The following FTCDNL1 variants were observed in gnomAD, a reference collection of about 807,000 sequenced individuals.
FTCDNL1 encodes formiminotransferase N-terminal subdomain-containing protein.
In FTCDNL1, 11 loss-of-function variants were observed where a neutral mutation model predicts 5.9. The ratio of observed to expected loss-of-function variants is 1.87; its 90% CI spans 1.18 to 3.10. FTCDNL1 has a LOEUF of 3.10. Among genes scored for constraint, FTCDNL1 ranks in the 30% most tolerant of loss-of-function variants. The pLI is 0.00. For missense variants in FTCDNL1, 115 were observed against 65.5 expected, an observed-to-expected ratio of 1.76 and a Z score of -2.61; for synonymous variants, 58 against 24.8, an observed-to-expected ratio of 2.34 and a Z score of -3.99.
chr2:199,833,357 C>G (rs961714699), intron 3 of FTCDNL1, among the ~76,000 whole-genome samples: 2 of 113,148 alleles, frequency 1.8e-5, no homozygotes, highest in Non-Finnish European at 3.9e-5. Context: ...TCATGCTGAT[C>G]AGAGACTGAC....
rs576746705 is a variant in FTCDNL1 at position 199,761,458 on chromosome 2, C to G, written c.212-623G>C. Among the ~76,000 whole-genome samples the G allele has an allele frequency of 3.9e-5, 6 of 152,304 alleles. No individual in the cohort carries two copies. In the East Asian group the frequency reaches 1.2e-3, roughly 29 times the overall value. ...TGCTTCCCACTTGCCATAAATAGAG[C>G]AGTGGATTCCTGATCTCGATGTTTC... On this transcript the variant is annotated intron_variant, in intron 3 of 3. Transcript: ENST00000416668.
intron 3 of FTCDNL1, among the ~76,000 whole-genome samples, chr2:199,785,209 A>G (rs1469869367): frequency 7.1e-6 from 1 of 141,472 alleles, no homozygotes; most frequent in Non-Finnish European, 1.5e-5. Context: ...ATCATCACAT[A>G]CCTTTCTTTC....
intron 3 of FTCDNL1, among the ~76,000 whole-genome samples, chr2:199,831,486 G>A (rs1458911676): frequency 2.0e-5 from 3 of 152,054 alleles, no homozygotes; most frequent in African/African-American, 7.2e-5. Context: ...TTATAAAGCA[G>A]GTAGAATGAA....
intron 3 of FTCDNL1, among the ~76,000 whole-genome samples, chr2:199,799,358 C>T (rs1177335128): frequency 6.6e-6 from 1 of 152,178 alleles, no homozygotes; most frequent in East Asian, 1.9e-4. Context: ...CACACACTGC[C>T]ACTCGACTGA....
chr2:199,797,640 A>T (rs1464641032), intron 3 of FTCDNL1, among the ~76,000 whole-genome samples: 1 of 152,238 alleles, frequency 6.6e-6, no homozygotes, highest in Non-Finnish European at 1.5e-5. Context: ...TATTGATTAC[A>T]TTTGAGGACA....
intron 3 of FTCDNL1, among the ~76,000 whole-genome samples, chr2:199,838,904 C>G (rs1459375784): frequency 2.6e-5 from 4 of 152,240 alleles, no homozygotes; most frequent in Non-Finnish European, 4.4e-5. Context: ...TTTTGTGCAA[C>G]TCAGCTTCTA....
At chr2:199,782,720 A>G (rs975280689) in intron 3 of FTCDNL1, among the ~76,000 whole-genome samples, 11 of 152,224 alleles carry the variant, frequency 7.2e-5, no homozygotes, top group Non-Finnish European at 1.0e-4. Context: ...AGCAAGTTTC[A>G]ATCTCAGTTT....
downstream of FTCDNL1, among the ~76,000 whole-genome samples, chr2:199,808,539 C>T (rs1700850853): frequency 6.6e-6 from 1 of 152,182 alleles, no homozygotes; most frequent in African/African-American, 2.4e-5. Context: ...AAATGACACA[C>T]TGTACCCATT....
At chr2:199,675,648 C>T in the FTCDNL1 span, among the ~76,000 whole-genome samples, 1 of 152,044 alleles carries the variant, frequency 6.6e-6, no homozygotes, top group Admixed American at 6.6e-5. Flanking sequence ...TTGAGTGTGG[C>T]TCCATCATCC....
intron 3 of FTCDNL1, among the ~76,000 whole-genome samples, chr2:199,796,389 A>C (rs1700170896): frequency 6.6e-6 from 1 of 152,206 alleles, no homozygotes; most frequent in East Asian, 1.9e-4. Flanking sequence ...CATCCAATGG[A>C]CTTATCCTCA....
At chr2:199,837,147 G>T (rs956330706) in intron 3 of FTCDNL1, among the ~76,000 whole-genome samples, 1 of 152,122 alleles carries the variant, frequency 6.6e-6, no homozygotes, top group African/African-American at 2.4e-5. Context: ...GACTCCTCTT[G>T]CATTTATTCA....
At chr2:199,679,498 C>T in the FTCDNL1 span, among the ~76,000 whole-genome samples, 1 of 152,138 alleles carries the variant, frequency 6.6e-6, no homozygotes, top group African/African-American at 2.4e-5. Flanking sequence ...GACCTTACCA[C>T]TAGCATTTTG....
At chr2:199,741,484 C>T in the FTCDNL1 span, among the ~76,000 whole-genome samples, 1 of 152,154 alleles carries the variant, frequency 6.6e-6, no homozygotes, top group Non-Finnish European at 1.5e-5. Context: ...TTTTAATTAG[C>T]AGTCCCTTTC....
chr2:199,692,789 A>T, the FTCDNL1 span, among the ~76,000 whole-genome samples: 12 of 149,908 alleles, frequency 8.0e-5, no homozygotes, highest in African/African-American at 3.1e-4. Context: ...AATGCAGAGC[A>T]ATTATAGATG....
the FTCDNL1 span, among the ~76,000 whole-genome samples, chr2:199,681,669 G>A: frequency 6.6e-6 from 1 of 152,214 alleles, no homozygotes; most frequent in Non-Finnish European, 1.5e-5. Context: ...AGAGGATCAT[G>A]AGAACCTAGA....
chr2:199,842,467 G>A (rs1210549064), intron 3 of FTCDNL1, among the ~76,000 whole-genome samples: 1 of 152,028 alleles, frequency 6.6e-6, no homozygotes, highest in Non-Finnish European at 1.5e-5. Context: ...TATTCTAAAA[G>A]TCCTCAAACT....
downstream of FTCDNL1, chr2:199,760,433 C>G (rs2346585): frequency 0.56 from 100,395 of 177,778 alleles, 31,605 homozygotes; most frequent in East Asian, 0.71. Context: ...TACTTTTCCT[C>G]TCCCTTAGGC....
intron 3 of FTCDNL1, among the ~76,000 whole-genome samples, chr2:199,830,947 G>A (rs1702333592): frequency 2.0e-5 from 3 of 152,280 alleles, no homozygotes; most frequent in South Asian, 2.1e-4. Flanking sequence ...ATTGCATTTC[G>A]ACTGACACGT....
At chr2:199,831,060 A>C (rs1702340305) in intron 3 of FTCDNL1, among the ~76,000 whole-genome samples, 1 of 152,226 alleles carries the variant, frequency 6.6e-6, no homozygotes, top group Admixed American at 6.5e-5. Context: ...ATCATGTTTC[A>C]TTTCAAAAGG....
Sources: gnomAD v4.1 joint callset for allele counts (sites outside exome capture counted in the v4.1 genomes callset) on GRCh38, gnomAD v4.1.1 for gene constraint, MANE v1.5 for transcripts, NCBI Gene and HGNC (gene_info 2026-07-23, HGNC 2026-07-21) for gene names.